CDH13: variants seen among roughly 807,000 people sequenced by gnomAD.
CDH13 encodes the protein cadherin 13.
A neutral mutation model predicts 63.8 loss-of-function variants in CDH13; 24 were observed. That is an observed-to-expected ratio of 0.38 (90% CI 0.27 to 0.53). CDH13 has a LOEUF of 0.53. Ranked by LOEUF, CDH13 falls within the 20% of genes least tolerant of loss-of-function variation. The probability of loss-of-function intolerance (pLI) is 0.85; values close to 1 mark genes in which losing one functional copy is unlikely to be tolerated. For missense variants in CDH13, 1,049 were observed against 903.1 expected (o/e 1.16, Z -2.07); for synonymous variants, 503 against 355.3 (o/e 1.42, Z -4.67).
At chr16:83,392,790 A>G (rs951010341) in intron 6 of CDH13, among the ~76,000 whole-genome samples, 1 of 152,206 alleles carries the variant, frequency 6.6e-6, no homozygotes, top group African/African-American at 2.4e-5. Flanking sequence ...ATGCGGTGCC[A>G]TCTTTAAATT....
intron 3 of CDH13, among the ~76,000 whole-genome samples, chr16:83,052,801 A>AAAAAAAAAAAAAAG (rs1555571697): frequency 8.2e-5 from 10 of 122,654 alleles, no homozygotes; most frequent in African/African-American, 3.0e-4. Flanking sequence ...AAAAAAAAAA[A>AAAAAAAAAAAAAAG]AAAGAAAGAA....
At chr16:82,804,919 T>C (rs73604897) in intron 1 of CDH13, among the ~76,000 whole-genome samples, 9,594 of 152,266 alleles carry the variant, frequency 0.063, 933 homozygotes, top group African/African-American at 0.21. Flanking sequence ...TTATCTAAAT[T>C]CATATTTTCA....
chr16:82,816,217 G>A (rs2037701305), intron 1 of CDH13, among the ~76,000 whole-genome samples: 1 of 152,066 alleles, frequency 6.6e-6, no homozygotes, highest in Non-Finnish European at 1.5e-5. Context: ...CTTCCAACAG[G>A]CACATCCTTG....
intron 3 of CDH13, among the ~76,000 whole-genome samples, chr16:83,076,109 A>C (rs1355330645): frequency 1.3e-5 from 2 of 152,132 alleles, no homozygotes; most frequent in Non-Finnish European, 2.9e-5. Context: ...AATTGGAAGG[A>C]AAAAAAAGTA....
intron 5 of CDH13, among the ~76,000 whole-genome samples, chr16:83,337,668 T>C (rs1289189992): frequency 1.5e-5 from 2 of 130,948 alleles, no homozygotes; most frequent in African/African-American, 5.8e-5. Flanking sequence ...AGAAAGTGTG[T>C]AGTGTCATGG....
chr16:82,946,582 G>T (rs775147697), intron 2 of CDH13, among the ~76,000 whole-genome samples: 1 of 152,040 alleles, frequency 6.6e-6, no homozygotes, highest in Non-Finnish European at 1.5e-5. Flanking sequence ...TTAGCCTGGC[G>T]TGGTGGCCTG....
chr16:83,381,721 TA>T lies in CDH13; in HGVS notation c.781+36727del, dbSNP rs547361747. Among the ~76,000 whole-genome samples, 286 of 144,378 alleles carry T rather than the reference TA, an allele frequency of 2.0e-3. 1 individual carries two copies. Among genetic ancestry groups the T allele is most frequent in the Middle Eastern group, 3.6e-3 (1 of 278 alleles). 94.7% of individuals were successfully genotyped at this position (144,378 alleles called of 152,430 possible). On this transcript the variant is annotated intron_variant, in intron 6 of 13. Transcript: ENST00000567109. ...GCTGCACATGCCTGAAATTAGGGAT[TA>T]AAAAAAAAAAAGTACCAAGAGGATA...
chr16:83,479,948 T>G (rs1419523280), intron 6 of CDH13, among the ~76,000 whole-genome samples: 2 of 152,044 alleles, frequency 1.3e-5, no homozygotes, highest in Non-Finnish European at 2.9e-5. Flanking sequence ...TGGGGGAAGG[T>G]GTTAATGGAA....
intron 1 of CDH13, among the ~76,000 whole-genome samples, chr16:82,792,953 C>T (rs556506793): frequency 1.5e-4 from 23 of 152,166 alleles, no homozygotes; most frequent in Admixed American, 2.6e-4. Context: ...GACTGTTATG[C>T]GAGGAAATAA....
chr16:83,058,056 C>T (rs1030245673), intron 3 of CDH13, among the ~76,000 whole-genome samples: 1 of 152,170 alleles, frequency 6.6e-6, no homozygotes, highest in African/African-American at 2.4e-5. Flanking sequence ...AGAATATTTA[C>T]TTCTAAAACT....
chr16:82,635,816 C>T (rs777587213), intron 1 of CDH13, among the ~76,000 whole-genome samples: 5 of 152,104 alleles, frequency 3.3e-5, no homozygotes, highest in Non-Finnish European at 5.9e-5. Flanking sequence ...GATCAGAGGG[C>T]GGATTTCTCC....
At chr16:83,027,629 C>T (rs1809410976) in intron 2 of CDH13, among the ~76,000 whole-genome samples, 1 of 152,124 alleles carries the variant, frequency 6.6e-6, no homozygotes, top group African/African-American at 2.4e-5. Context: ...TTATATGAGA[C>T]TCAGGTGGAG....
chr16:82,952,266 G>A (rs373911604), intron 2 of CDH13, among the ~76,000 whole-genome samples: 137 of 152,272 alleles, frequency 9.0e-4, no homozygotes, highest in Non-Finnish European at 1.5e-3. Context: ...CCATCTGAGC[G>A]TGGGCAGCTT....
chr16:83,276,859 G>C (rs990712169), intron 5 of CDH13, among the ~76,000 whole-genome samples: 5 of 152,076 alleles, frequency 3.3e-5, no homozygotes, highest in African/African-American at 1.2e-4. Context: ...GACAGAGTGA[G>C]ACTCCATCTC....
At chr16:82,990,547 GTT>G (rs369121464) in intron 2 of CDH13, among the ~76,000 whole-genome samples, 9 of 139,816 alleles carry the variant, frequency 6.4e-5, no homozygotes, top group Non-Finnish European at 3.1e-5. Flanking sequence ...TTTGGTTTGG[GTT>G]TTTTTTTTTT....
At position 83,358,459 on chromosome 16, in the gene CDH13, T is replaced by C. The variant is rs144807377; in HGVS notation, c.781+13453T>C. On this transcript the variant is annotated intron_variant, in intron 6 of 13. Coordinates refer to ENST00000567109, the MANE Select transcript of CDH13 (RefSeq NM_001257.5). ...TGATTCTGTTGCCTGCGGAATGCCA[T>C]GGCAGCCCTGGATTGCTTCTCTCCA... is the stretch of plus-strand genomic sequence containing the variant. 1.7e-4 allele frequency among the ~76,000 whole-genome samples: 26 copies of C among 152,308 alleles called. 1 individual carries two copies. Among genetic ancestry groups the C allele is most frequent in the Middle Eastern group, 3.4e-3 (1 of 294 alleles).
At chr16:83,735,834 G>A (rs1428382053) in intron 10 of CDH13, 1 of 152,176 alleles carries the variant, frequency 6.6e-6, no homozygotes, top group Admixed American at 6.6e-5. Flanking sequence ...GGCCTGGTCG[G>A]GAGTTCATTC....
chr16:83,057,951 G>A (rs1449981188), intron 3 of CDH13, among the ~76,000 whole-genome samples: 2 of 152,118 alleles, frequency 1.3e-5, no homozygotes, highest in Non-Finnish European at 2.9e-5. Context: ...TCGGGGAAAT[G>A]TCTTACAAAT....
chr16:82,869,093 C>A (rs2040253989), intron 2 of CDH13, among the ~76,000 whole-genome samples: 2 of 152,194 alleles, frequency 1.3e-5, no homozygotes, highest in Admixed American at 1.3e-4. Context: ...GTTACCCAGG[C>A]TGGAGTGCAG....
Sources: allele counts gnomAD v4.1 joint callset (sites outside exome capture counted in the v4.1 genomes callset), GRCh38; gene constraint gnomAD v4.1.1; transcripts MANE v1.5; gene names NCBI Gene and HGNC (gene_info 2026-07-23, HGNC 2026-07-21).